SGMS1: variants seen among roughly 807,000 people sequenced by gnomAD.
SGMS1 encodes the protein sphingomyelin synthase 1.
SGMS1 carries 13 observed loss-of-function variants against 46.2 expected under a neutral mutation model. That is an observed-to-expected ratio of 0.28 (90% CI 0.18 to 0.45). The LOEUF (loss-of-function observed/expected upper bound fraction) is 0.45. Among genes scored for constraint, SGMS1 ranks in the 20% least tolerant of loss-of-function variants. SGMS1 has a pLI of 1.00. For synonymous variants in SGMS1, 203 were observed against 187.8 expected, an observed-to-expected ratio of 1.08 and a Z score of -0.66; for missense variants, 324 against 519.9, an observed-to-expected ratio of 0.62 and a Z score of 3.66.
intron 3 of SGMS1, among the ~76,000 whole-genome samples, chr10:50,510,493 C>T (rs1288597153): frequency 1.3e-5 from 2 of 152,158 alleles, no homozygotes; most frequent in Non-Finnish European, 2.9e-5. Flanking sequence ...AGACTCTCAC[C>T]AGCAATGTAG....
intron 3 of SGMS1, among the ~76,000 whole-genome samples, chr10:50,499,488 T>C (rs1269286845): frequency 1.3e-5 from 2 of 152,188 alleles, no homozygotes; most frequent in Non-Finnish European, 2.9e-5. Flanking sequence ...TATCCTTTCC[T>C]CAACTACTCC....
Position 50,313,348 on chromosome 10 carries a change from C to T in SGMS1, c.742-1933G>A, listed in dbSNP as rs115980635. Among the ~76,000 whole-genome samples, 1,361 of 152,010 alleles carry T rather than the reference C, an allele frequency of 9.0e-3. 15 individuals are homozygous for T. Among genetic ancestry groups the T allele is most frequent in the African/African-American group, 0.031 (1,273 of 41,458 alleles). ...TACAGAGTAACAATATCTCATGTCA[C>T]GTGGAGACACAAAAGTAAACACATT... On this transcript the variant is annotated intron_variant, in intron 8 of 10. Transcript: ENST00000361781.
At chr10:50,473,684 T>C (rs996911070) in intron 3 of SGMS1, among the ~76,000 whole-genome samples, 1 of 152,216 alleles carries the variant, frequency 6.6e-6, no homozygotes, top group Admixed American at 6.5e-5. Context: ...TAAACTAATA[T>C]ATTCAAACCA....
At chr10:50,591,449 A>G (rs1190722915) in intron 1 of SGMS1, among the ~76,000 whole-genome samples, 1 of 152,194 alleles carries the variant, frequency 6.6e-6, no homozygotes, top group Non-Finnish European at 1.5e-5. Context: ...TGCTCCCTGA[A>G]AGCATATATT....
chr10:50,524,699 C>T (rs1339883058), intron 2 of SGMS1, among the ~76,000 whole-genome samples: 11 of 152,156 alleles, frequency 7.2e-5, no homozygotes, highest in Admixed American at 5.9e-4. Context: ...GACTACACAG[C>T]GTCCCAATGT....
At chr10:50,569,299 T>TAAAAAA (rs72066798) in intron 2 of SGMS1, among the ~76,000 whole-genome samples, 3 of 130,526 alleles carry the variant, frequency 2.3e-5, no homozygotes, top group African/African-American at 2.9e-5. Flanking sequence ...CTTAAAGTAT[T>TAAAAAA]AAAAAAAAAA....
At position 50,307,917 on chromosome 10, in the gene SGMS1, C is replaced by T. The variant is rs1847199679; in HGVS notation, c.1062+65G>A. On this transcript the variant is annotated intron_variant, in intron 10 of 10. Coordinates refer to ENST00000361781, the MANE Select transcript of SGMS1 (RefSeq NM_147156.4). This position sits in a 1 kb window ranked among gnomAD's most constrained non-coding sequence, Gnocchi z 4.2. ...CAGACATCCACAGGTTCTTTGCACC[C>T]TGTCCAAGCCAGCAACATCAAGCCA... is the stretch of plus-strand genomic sequence containing the variant. 2 of 1,558,820 alleles carry T rather than the reference C, an allele frequency of 1.3e-6. No individual in the cohort carries two copies. The highest frequency in any genetic ancestry group is 1.1e-5 in the South Asian group (1 of 87,716).
chr10:50,534,284 T>C (rs1437734955), intron 2 of SGMS1, among the ~76,000 whole-genome samples: 1 of 152,196 alleles, frequency 6.6e-6, no homozygotes, highest in East Asian at 1.9e-4. Flanking sequence ...ATCATTTGCA[T>C]AACTAAAAAG....
chr10:50,456,663 C>A (rs57748270), intron 5 of SGMS1, among the ~76,000 whole-genome samples: 10,534 of 152,152 alleles, frequency 0.069, 930 homozygotes, highest in East Asian at 0.37. Context: ...CCTGGGGTTT[C>A]CTCAGGTAGT....
At chr10:50,540,067 T>C (rs1365502247) in intron 2 of SGMS1, among the ~76,000 whole-genome samples, 1 of 152,230 alleles carries the variant, frequency 6.6e-6, no homozygotes, top group African/African-American at 2.4e-5. Flanking sequence ...TTAATCTTCA[T>C]GAAAGAATTA....
chr10:50,413,808 G>T (rs1319718535), intron 6 of SGMS1, among the ~76,000 whole-genome samples: 1 of 152,160 alleles, frequency 6.6e-6, no homozygotes, highest in Non-Finnish European at 1.5e-5. Flanking sequence ...TAAGAAAGAG[G>T]TCTCCTAAAA....
At chr10:50,367,681 A>G (rs372087880) in intron 6 of SGMS1, among the ~76,000 whole-genome samples, 8 of 152,202 alleles carry the variant, frequency 5.3e-5, no homozygotes, top group African/African-American at 1.9e-4. Context: ...TTCTTTGAAA[A>G]CAAATATCCA....
chr10:50,587,563 G>A (rs1838496531), intron 2 of SGMS1, among the ~76,000 whole-genome samples: 1 of 151,934 alleles, frequency 6.6e-6, no homozygotes, highest in Admixed American at 6.6e-5. Flanking sequence ...GGCGGAGGTT[G>A]CAGTGAGCCG....
intron 1 of SGMS1, among the ~76,000 whole-genome samples, chr10:50,602,118 G>A (rs996512339): frequency 2.6e-5 from 4 of 152,068 alleles, no homozygotes; most frequent in South Asian, 2.1e-4. Flanking sequence ...CCTGATACTC[G>A]CCTCTGATAA....
At chr10:50,555,520 A>C (rs896736352) in intron 2 of SGMS1, among the ~76,000 whole-genome samples, 1 of 152,216 alleles carries the variant, frequency 6.6e-6, no homozygotes, top group Non-Finnish European at 1.5e-5. Flanking sequence ...GTAATAAGGA[A>C]TGCGGTTGAG....
chr10:50,353,535 G>A (rs1440165664), intron 6 of SGMS1, among the ~76,000 whole-genome samples: 114 of 152,334 alleles, frequency 7.5e-4, no homozygotes, highest in African/African-American at 2.6e-3. Flanking sequence ...GCACAAGACA[G>A]GGATGTCCTC....
intron 2 of SGMS1, among the ~76,000 whole-genome samples, chr10:50,526,747 T>C (rs1051649730): frequency 6.6e-6 from 1 of 152,070 alleles, no homozygotes; most frequent in African/African-American, 2.4e-5. Context: ...TTTAGGTCAA[T>C]GAGAGTAATA....
At chr10:50,440,275 A>AAT (rs752922519) in intron 5 of SGMS1, among the ~76,000 whole-genome samples, 26 of 140,068 alleles carry the variant, frequency 1.9e-4, no homozygotes, top group South Asian at 8.4e-4. Flanking sequence ...CAAATTAAAA[A>AAT]ATATATATAT....
chr10:50,329,410 T>A (rs1237855297), intron 7 of SGMS1, among the ~76,000 whole-genome samples: 1 of 152,226 alleles, frequency 6.6e-6, no homozygotes, highest in African/African-American at 2.4e-5. Flanking sequence ...AAACTGTCAA[T>A]GTTAACAATA....
Sources: gnomAD v4.1 joint callset for allele counts (sites outside exome capture counted in the v4.1 genomes callset) on GRCh38, gnomAD v4.1.1 for gene constraint, Gnocchi (gnomAD v3.1) non-coding constraint, MANE v1.5 for transcripts, NCBI Gene and HGNC (gene_info 2026-07-23, HGNC 2026-07-21) for gene names.